UBR3: variants seen among roughly 807,000 people sequenced by gnomAD.
UBR3 encodes E3 ubiquitin-protein ligase UBR3.
UBR3 carries 85 observed loss-of-function variants against 243.2 expected under a neutral mutation model. That is an observed-to-expected ratio of 0.35 (90% CI 0.29 to 0.42). The LOEUF is 0.42. Among genes scored for constraint, UBR3 ranks in the 10% least tolerant of loss-of-function variants. The pLI is 1.00. For synonymous variants in UBR3, 748 were observed against 799.8 expected (o/e 0.94, Z 1.09); for missense variants, 1,686 against 2,300.8 (o/e 0.73, Z 5.47).
intron 5 of UBR3, among the ~76,000 whole-genome samples, chr2:169,883,216 C>T (rs997483736): frequency 4.6e-5 from 7 of 152,148 alleles, no homozygotes; most frequent in South Asian, 2.1e-4. Context: ...CACACTGAGA[C>T]GGAGATCTAA....
intron 26 of UBR3, among the ~76,000 whole-genome samples, chr2:169,998,891 TATC>T (rs2089593261): frequency 6.6e-6 from 1 of 152,182 alleles, no homozygotes; most frequent in South Asian, 2.1e-4. Context: ...TTGGTAAAGT[TATC>T]ATTCCTCTCT....
At chr2:170,039,930 C>CAA (rs1239349663) in intron 31 of UBR3, among the ~76,000 whole-genome samples, 24 of 152,194 alleles carry the variant, frequency 1.6e-4, no homozygotes, top group Admixed American at 5.9e-4. Flanking sequence ...GACAGGGTCT[C>CAA]ACTGTGTTGC....
At chr2:170,081,613 C>A in intron 38 of UBR3, 113 bp from the exon 39 acceptor site, 1 of 627,984 alleles carries the variant, frequency 1.6e-6, no homozygotes, top group Non-Finnish European at 2.5e-6. Flanking sequence ...TTGCTTGAAC[C>A]CAGGAGGCGG....
Position 170,080,545 on chromosome 2 carries a change from C to A in UBR3, c.5410C>A (p.His1804Asn). 2 of 1,600,176 alleles carry A rather than the reference C, an allele frequency of 1.2e-6. No individual in the cohort carries two copies. Among genetic ancestry groups the A allele is most frequent in the Non-Finnish European group, 1.7e-6 (2 of 1,173,824 alleles). Residue 1804 changes from histidine to asparagine, a missense_variant and splice_region_variant, in exon 38 of 39, where the codon CAC (histidine) becomes AAC (asparagine). By Grantham distance (68) the His-to-Asn change is moderately conservative. Coordinates refer to ENST00000272793, the MANE Select transcript of UBR3 (RefSeq NM_172070.4). ...CATTAATATATTTTTAATTTTTTAG[C>A]ACTCTCAGAACTGTGGTGCAGGAAC... ...KQQSYCECVL[H>N]SQNCGAGTGI...
At position 169,833,408 on chromosome 2, in the gene UBR3, A is replaced by G. The variant is rs80353331; in HGVS notation, c.545+5356A>G. The stretch of plus-strand genomic sequence containing the variant: ...TCACATATTCTAAGCTCCTTAAAAG[A>G]TAAGGACCACATTTTGCTATTAGCC... On this transcript the variant is annotated intron_variant, in intron 1 of 38. Coordinates refer to ENST00000272793, the MANE Select transcript of UBR3 (RefSeq NM_172070.4). Among the ~76,000 whole-genome samples the G allele has an allele frequency of 4.4e-4, 67 of 152,328 alleles. No homozygotes were observed. The East Asian group carries it at 0.011, about 24-fold the overall frequency.
intron 10 of UBR3, among the ~76,000 whole-genome samples, chr2:169,913,774 G>A (rs545374890): frequency 1.2e-4 from 18 of 151,942 alleles, no homozygotes; most frequent in African/African-American, 3.6e-4. Context: ...ATTGGGGGGG[G>A]TGTCTCTTGA....
At chr2:170,024,567 A>C (rs1358184549) in intron 30 of UBR3, among the ~76,000 whole-genome samples, 1 of 151,944 alleles carries the variant, frequency 6.6e-6, no homozygotes, top group Non-Finnish European at 1.5e-5. Flanking sequence ...ATTCATACAC[A>C]TACATGTGAA....
At chr2:169,852,835 A>T (rs2082701217) in intron 1 of UBR3, among the ~76,000 whole-genome samples, 1 of 123,620 alleles carries the variant, frequency 8.1e-6, no homozygotes. Flanking sequence ...TGGGTGAAAG[A>T]GTGAGACTTC....
chr2:170,051,359 T>C (rs1020296516), intron 32 of UBR3, among the ~76,000 whole-genome samples: 2 of 152,212 alleles, frequency 1.3e-5, no homozygotes, highest in Non-Finnish European at 2.9e-5. Flanking sequence ...ATTATTATTT[T>C]TGAGACAGAA....
Position 170,077,077 on chromosome 2 carries a change from A to G in UBR3, c.5200-2737A>G, listed in dbSNP as rs1375290327. On this transcript the variant is annotated intron_variant, in intron 36 of 38. Transcript: ENST00000272793. ...CAGTGAAGCAGAAATTTAAGACCGA[A>G]TTTTTTTTTCCATTTTAATGTTTAC... The G allele has an allele frequency of 1.1e-5, 4 of 378,006 alleles. No individual in the cohort carries two copies. In the Admixed American group the frequency reaches 1.1e-4, roughly 11 times the overall value. The allele number at this position is 378,006 out of a possible 1,614,324, so 23.4% of individuals were successfully genotyped here. A position where few individuals can be genotyped will look rare whatever the true frequency, so the allele number is the denominator to read the frequency against.
chr2:169,948,922 T>C (rs2086896363), intron 22 of UBR3, among the ~76,000 whole-genome samples: 1 of 151,488 alleles, frequency 6.6e-6, no homozygotes, highest in African/African-American at 2.4e-5. Context: ...AAAAAAAAAC[T>C]GTTCAAAAAA....
Position 169,895,267 on chromosome 2 carries a change from A to T in UBR3, c.1192A>T (p.Met398Leu). 1 of 1,545,838 alleles carries T rather than the reference A, an allele frequency of 6.5e-7. No homozygotes were observed. The highest frequency in any genetic ancestry group is 8.7e-7 in the Non-Finnish European group (1 of 1,145,508). Residue 398 changes from methionine (M) to leucine (L), a missense_variant, in exon 7 of 39, where the codon ATG becomes TTG. Coordinates refer to ENST00000272793, the MANE Select transcript of UBR3 (RefSeq NM_172070.4). ...TATAAAATATGAATTCCCTCAAAAG[A>T]TGGTAACTTTCTTACTCAACATGCT... ...WTIKYEFPQK[M>L]VTFLLNMLPD...
At chr2:170,000,921 G>A (rs1050787238) in intron 26 of UBR3, among the ~76,000 whole-genome samples, 7 of 152,050 alleles carry the variant, frequency 4.6e-5, no homozygotes, top group Admixed American at 6.6e-5. Flanking sequence ...GAAAGTAGGC[G>A]TTTCAAGAAG....
At position 169,827,620 on chromosome 2, in the gene UBR3, C is replaced by A; in HGVS notation, c.113C>A (p.Ala38Asp). The A allele has an allele frequency of 7.9e-7, 1 of 1,269,020 alleles. No individual in the cohort carries two copies. The highest frequency in any genetic ancestry group is 9.9e-7 in the Non-Finnish European group (1 of 1,007,242). The allele number at this position is 1,269,020 out of a possible 1,614,324, so 78.6% of individuals were successfully genotyped here. A position where few individuals can be genotyped will look rare whatever the true frequency, so the allele number is the denominator to read the frequency against. Residue 38 changes from alanine (A) to aspartate (D), a missense_variant, in exon 1 of 39, where the codon GCC becomes GAC. Transcript: ENST00000272793. ...KAATAAHLKA[A>D]LSRPDNRAGA... ...GCCACCGCCGCGCACCTCAAGGCGG[C>A]CCTCAGCCGGCCGGACAACCGCGCA...
intron 33 of UBR3, among the ~76,000 whole-genome samples, chr2:170,058,130 A>G (rs571600525): frequency 1.9e-4 from 29 of 152,264 alleles, no homozygotes; most frequent in Non-Finnish European, 3.7e-4. Context: ...AGATTTCTGC[A>G]TCATTGATTA....
At chr2:170,006,287 CTT>C (rs2089909108) in intron 27 of UBR3, among the ~76,000 whole-genome samples, 2 of 152,156 alleles carry the variant, frequency 1.3e-5, no homozygotes, top group Admixed American at 1.3e-4. Context: ...TATCTTAACT[CTT>C]TATGCTATCA....
chr2:169,849,955 A>T (rs1473117832), intron 1 of UBR3, among the ~76,000 whole-genome samples: 4 of 152,076 alleles, frequency 2.6e-5, no homozygotes, highest in African/African-American at 9.7e-5. Context: ...ATGACTGCTG[A>T]TACCTTTGTG....
At chr2:170,051,270 AC>A (rs1422182039) in intron 32 of UBR3, among the ~76,000 whole-genome samples, 1 of 152,200 alleles carries the variant, frequency 6.6e-6, no homozygotes, top group Non-Finnish European at 1.5e-5. Flanking sequence ...AGAAATTAGT[AC>A]TTTTCTACAA....
intron 33 of UBR3, among the ~76,000 whole-genome samples, chr2:170,059,712 G>A (rs1979345): frequency 0.71 from 108,219 of 151,812 alleles, 39,473 homozygotes; most frequent in East Asian, 0.88. Context: ...AGTCAGAGTC[G>A]TTTTTATAGT....
Sources: gnomAD v4.1 joint callset for allele counts (sites outside exome capture counted in the v4.1 genomes callset) on GRCh38, gnomAD v4.1.1 for gene constraint, MANE v1.5 for transcripts, NCBI Gene and HGNC (gene_info 2026-07-23, HGNC 2026-07-21) for gene names.